The following PRKN variants were observed in gnomAD, a reference collection of about 807,000 sequenced individuals.
The protein encoded by PRKN is parkin RBR E3 ubiquitin protein ligase.
A neutral mutation model predicts 59.5 loss-of-function variants in PRKN; 56 were observed. That is an observed-to-expected ratio of 0.94 (90% CI 0.76 to 1.18). The LOEUF (loss-of-function observed/expected upper bound fraction) is 1.18. Among genes scored for constraint, PRKN ranks in the 50% most tolerant of loss-of-function variants. The pLI, the probability that PRKN is intolerant of heterozygous loss-of-function variation, is 0.00. For missense variants in PRKN, 657 were observed against 596.4 expected (o/e 1.10, Z -1.06); for synonymous variants, 250 against 222.1 (o/e 1.13, Z -1.12).
At chr6:162,275,949 G>A (rs1432455178) in intron 2 of PRKN, among the ~76,000 whole-genome samples, 1 of 152,126 alleles carries the variant, frequency 6.6e-6, no homozygotes, top group Non-Finnish European at 1.5e-5. Context: ...CTGCCATCCT[G>A]TATGACAAGA....
At chr6:161,803,419 A>G (rs1791172637) in intron 6 of PRKN, among the ~76,000 whole-genome samples, 2 of 152,220 alleles carry the variant, frequency 1.3e-5, no homozygotes, top group African/African-American at 4.8e-5. Flanking sequence ...GACATAATCC[A>G]GTACGTGGCA....
At chr6:161,915,950 G>C (rs1468299267) in intron 6 of PRKN, among the ~76,000 whole-genome samples, 1 of 152,078 alleles carries the variant, frequency 6.6e-6, no homozygotes, top group Non-Finnish European at 1.5e-5. Flanking sequence ...TGGCTGCGAG[G>C]CTACAGTTAT....
intron 4 of PRKN, among the ~76,000 whole-genome samples, chr6:162,193,905 A>G (rs1242498897): frequency 6.6e-6 from 1 of 152,222 alleles, no homozygotes; most frequent in East Asian, 1.9e-4. Flanking sequence ...GCTCCTAGGA[A>G]GAGAAGAGGT....
At chr6:162,371,943 C>A (rs756005353) in intron 2 of PRKN, among the ~76,000 whole-genome samples, 16 of 152,158 alleles carry the variant, frequency 1.1e-4, no homozygotes, top group Non-Finnish European at 1.8e-4. Flanking sequence ...ATTAGAAGGG[C>A]ATGATTGGCA....
At chr6:161,911,417 C>T (rs1778356023) in intron 6 of PRKN, among the ~76,000 whole-genome samples, 1 of 152,180 alleles carries the variant, frequency 6.6e-6, no homozygotes, top group African/African-American at 2.4e-5. Context: ...CCCCTTCCCA[C>T]ATTCTGTAGA....
At chr6:162,400,757 G>A (rs936015918) in intron 2 of PRKN, among the ~76,000 whole-genome samples, 2 of 152,008 alleles carry the variant, frequency 1.3e-5, no homozygotes, top group Non-Finnish European at 2.9e-5. Context: ...TAAAACAGAG[G>A]ATACATCTTT....
intron 5 of PRKN, among the ~76,000 whole-genome samples, chr6:162,002,761 T>A (rs1782106793): frequency 6.6e-6 from 1 of 152,134 alleles, no homozygotes; most frequent in African/African-American, 2.4e-5. Context: ...TCTAATATAT[T>A]CATTCAATGC....
chr6:161,453,724 T>TCCCC (rs1789843529), intron 9 of PRKN, among the ~76,000 whole-genome samples: 2 of 37,514 alleles, frequency 5.3e-5, no homozygotes, highest in African/African-American at 2.0e-4. Flanking sequence ...CATCCCTCCC[T>TCCCC]CCCTCCCTCC....
intron 4 of PRKN, among the ~76,000 whole-genome samples, chr6:162,058,939 GAGACT>G (rs1777980629): frequency 7.0e-6 from 1 of 142,272 alleles, no homozygotes; most frequent in Admixed American, 7.2e-5. Context: ...GCGACAGAGT[GAGACT>G]CTGCCTCAAC....
At chr6:162,197,927 G>C (rs59184402) in intron 4 of PRKN, among the ~76,000 whole-genome samples, 5,027 of 152,206 alleles carry the variant, frequency 0.033, 273 homozygotes, top group African/African-American at 0.11. Context: ...ACATAAACTA[G>C]AGACCCAAGC....
chr6:161,366,249 T>C (rs1306733837), intron 10 of PRKN, among the ~76,000 whole-genome samples: 1 of 152,056 alleles, frequency 6.6e-6, no homozygotes, highest in East Asian at 1.9e-4. Context: ...GAGCCTGAGG[T>C]TGAGGCTTCC....
intron 2 of PRKN, among the ~76,000 whole-genome samples, chr6:162,420,036 G>A (rs898451568): frequency 6.6e-6 from 1 of 152,010 alleles, no homozygotes. Flanking sequence ...TGATTCAAGC[G>A]CATTACATTT....
At chr6:162,711,592 C>T (rs1404127995) in intron 1 of PRKN, among the ~76,000 whole-genome samples, 1 of 152,140 alleles carries the variant, frequency 6.6e-6, no homozygotes, top group African/African-American at 2.4e-5. Context: ...ATAGGCTTCT[C>T]CTGCCTCCCA....
chr6:161,547,977 T>C lies in PRKN; in HGVS notation c.1083+877A>G, dbSNP rs371474808. On this transcript the variant is annotated intron_variant, in intron 9 of 11. Transcript: ENST00000366898. This position sits in a 1 kb window ranked among gnomAD's most constrained non-coding sequence, Gnocchi z 4.0. Reference sequence around the variant, plus strand: ...GAACCAATGCTAATTTATTTCTAGATGACTTACAGTGCTCAGCCCCAAATC... The same window carrying C: ...GAACCAATGCTAATTTATTTCTAGACGACTTACAGTGCTCAGCCCCAAATC... Among the ~76,000 whole-genome samples, 3 of 152,350 alleles carry C rather than the reference T, an allele frequency of 2.0e-5. No individual in the cohort carries two copies. Among genetic ancestry groups the C allele is most frequent in the African/African-American group, 4.8e-5 (2 of 41,578 alleles).
At chr6:162,239,174 C>A (rs1215653327) in intron 3 of PRKN, among the ~76,000 whole-genome samples, 1 of 152,076 alleles carries the variant, frequency 6.6e-6, no homozygotes, top group Non-Finnish European at 1.5e-5. Context: ...TAATACGTCT[C>A]TATGGCAAGC....
At chr6:162,321,793 CA>C (rs1783035053) in intron 2 of PRKN, among the ~76,000 whole-genome samples, 1 of 151,868 alleles carries the variant, frequency 6.6e-6, no homozygotes, top group Non-Finnish European at 1.5e-5. Context: ...AAGCATCTGA[CA>C]AAAATCTGAA....
rs1406996626 is a variant in PRKN at position 161,575,214 on chromosome 6, A to C, written c.872-5798T>G. 6.6e-6 allele frequency among the ~76,000 whole-genome samples: 1 copy of C among 152,212 alleles called. No individual in the cohort carries two copies. Among genetic ancestry groups the C allele is most frequent in the East Asian group, 1.9e-4 (1 of 5,194 alleles). Reference sequence around the variant, plus strand: ...TAAACACAGGATTGAATCTTATTTTAAAGGACAACTGCGAAACTGGGCTCT... The same window carrying C: ...TAAACACAGGATTGAATCTTATTTTCAAGGACAACTGCGAAACTGGGCTCT... On this transcript the variant is annotated intron_variant, in intron 7 of 11. Coordinates refer to ENST00000366898, the MANE Select transcript of PRKN (RefSeq NM_004562.3). The surrounding 1 kb of genome is among the most constrained non-coding windows in gnomAD (Gnocchi z 4.6).
chr6:161,710,906 T>C (rs1251736637), intron 7 of PRKN, among the ~76,000 whole-genome samples: 1 of 116,950 alleles, frequency 8.6e-6, no homozygotes, highest in South Asian at 3.8e-4. Flanking sequence ...TCCTTCCTCC[T>C]CCCTTTCCTT....
At chr6:162,290,359 C>T (rs1211652588) in intron 2 of PRKN, among the ~76,000 whole-genome samples, 1 of 152,120 alleles carries the variant, frequency 6.6e-6, no homozygotes, top group Admixed American at 6.6e-5. Flanking sequence ...TCTTGAGTGG[C>T]CTCTTAGTGA....
Sources: gnomAD v4.1 joint callset for allele counts (sites outside exome capture counted in the v4.1 genomes callset) on GRCh38, gnomAD v4.1.1 for gene constraint, Gnocchi (gnomAD v3.1) non-coding constraint, MANE v1.5 for transcripts, NCBI Gene and HGNC (gene_info 2026-07-23, HGNC 2026-07-21) for gene names.